Variants in MRTFB observed in about 807,000 individuals in gnomAD.
The protein encoded by MRTFB is myocardin-related transcription factor B.
A neutral mutation model predicts 104.2 loss-of-function variants in MRTFB; 29 were observed. The ratio of observed to expected loss-of-function variants is 0.28; its 90% CI spans 0.21 to 0.38. The LOEUF is 0.38. Among genes scored for constraint, MRTFB ranks in the 10% least tolerant of loss-of-function variants. The pLI is 1.00. For synonymous variants in MRTFB, 535 were observed against 519.5 expected (o/e 1.03, Z -0.41); for missense variants, 1,270 against 1,341.6 (o/e 0.95, Z 0.83).
intron 3 of MRTFB, among the ~76,000 whole-genome samples, chr16:14,164,556 G>A (rs1377798031): frequency 6.6e-6 from 1 of 152,158 alleles, no homozygotes; most frequent in African/African-American, 2.4e-5. Context: ...GATTAGTGCT[G>A]CCTTAAACAT....
chr16:14,099,131 A>C (rs547252319), intron 2 of MRTFB, among the ~76,000 whole-genome samples: 2 of 152,284 alleles, frequency 1.3e-5, no homozygotes, highest in East Asian at 3.9e-4. Context: ...GGGATTTTTG[A>C]CTGAGATATT....
Position 14,177,955 on chromosome 16 carries a change from T to G in MRTFB, c.155-32288T>G, listed in dbSNP as rs1567418139. On this transcript the variant is annotated intron_variant, in intron 3 of 16. Transcript: ENST00000571589. The surrounding 1 kb of genome is among the most constrained non-coding windows in gnomAD (Gnocchi z 4.7). ...GTGTGTGCACGCATTGGTGGGTGTTTAGAGTTAATAATTGATGCCAGTACA... is the reference window on the plus strand; with the variant it reads ...GTGTGTGCACGCATTGGTGGGTGTTGAGAGTTAATAATTGATGCCAGTACA... 2.6e-5 allele frequency among the ~76,000 whole-genome samples: 4 copies of G among 151,098 alleles called. No homozygotes were observed. Among genetic ancestry groups the G allele is most frequent in the Non-Finnish European group, 5.9e-5 (4 of 67,856 alleles).
chr16:14,016,481 C>G, the MRTFB span, among the ~76,000 whole-genome samples: 7 of 152,026 alleles, frequency 4.6e-5, no homozygotes, highest in East Asian at 1.4e-3. Context: ...CCTTAAAGGA[C>G]TCTGACCTAG....
intron 3 of MRTFB, chr16:14,149,259 C>T (rs1316158144): frequency 6.6e-6 from 1 of 152,102 alleles, no homozygotes; most frequent in East Asian, 1.9e-4. Context: ...TAAGAAAATG[C>T]TAATCGTTGG....
chr16:14,116,311 A>G (rs1234362179), intron 2 of MRTFB, among the ~76,000 whole-genome samples: 2 of 151,852 alleles, frequency 1.3e-5, no homozygotes, highest in African/African-American at 4.8e-5. Flanking sequence ...CTTGGATTAG[A>G]TTTCACTTCC....
chr16:14,080,165 C>T (rs2034310624), intron 2 of MRTFB, among the ~76,000 whole-genome samples: 2 of 152,114 alleles, frequency 1.3e-5, no homozygotes, highest in South Asian at 4.1e-4. Flanking sequence ...CATTTCTCTT[C>T]TTAGATGTGT....
At chr16:14,163,677 C>CA (rs1290351399) in intron 3 of MRTFB, among the ~76,000 whole-genome samples, 2 of 151,816 alleles carry the variant, frequency 1.3e-5, no homozygotes, top group South Asian at 2.1e-4. Context: ...ACTAAAAATA[C>CA]AAAAAATTAG....
At chr16:14,103,411 G>T (rs1185663978) in intron 2 of MRTFB, among the ~76,000 whole-genome samples, 1 of 152,138 alleles carries the variant, frequency 6.6e-6, no homozygotes, top group Non-Finnish European at 1.5e-5. Flanking sequence ...GGGGATATGG[G>T]GGAGGGTGTT....
the MRTFB span, among the ~76,000 whole-genome samples, chr16:14,036,920 A>G: frequency 3.3e-5 from 5 of 151,898 alleles, no homozygotes; most frequent in Non-Finnish European, 2.9e-5. Context: ...CTGAGCTCCA[A>G]GAAGTTAATT....
intron 9 of MRTFB, among the ~76,000 whole-genome samples, chr16:14,235,256 G>A (rs957748551): frequency 6.6e-6 from 1 of 152,200 alleles, no homozygotes; most frequent in Non-Finnish European, 1.5e-5. Context: ...CAGCGTGGCC[G>A]AGTATTGGTG....
intron 3 of MRTFB, among the ~76,000 whole-genome samples, chr16:14,160,954 G>T (rs1035207690): frequency 6.6e-6 from 1 of 151,980 alleles, no homozygotes; most frequent in Non-Finnish European, 1.5e-5. Context: ...ATTAGCCCTT[G>T]CTGTAAGAAT....
chr16:14,095,873 A>G (rs77014438), intron 2 of MRTFB, among the ~76,000 whole-genome samples: 3,784 of 152,130 alleles, frequency 0.025, 173 homozygotes, highest in African/African-American at 0.086. Context: ...TACAAACTGT[A>G]CTGAATGCAC....
chr16:14,071,037 A>G (rs1266524126), upstream of MRTFB, among the ~76,000 whole-genome samples: 1 of 152,212 alleles, frequency 6.6e-6, no homozygotes, highest in Non-Finnish European at 1.5e-5. Context: ...AAGCCTTTGC[A>G]GAGGCTCAGG....
intron 8 of MRTFB, among the ~76,000 whole-genome samples, chr16:14,228,881 G>T (rs2042132078): frequency 1.3e-5 from 2 of 152,216 alleles, no homozygotes; most frequent in East Asian, 1.9e-4. Context: ...AATCATAGAG[G>T]CAGAAAAGAA....
Position 14,133,602 on chromosome 16 carries a change from C to T in MRTFB, c.-63-6942C>T, listed in dbSNP as rs538808318. Among the ~76,000 whole-genome samples the T allele has an allele frequency of 3.7e-4, 56 of 152,242 alleles. No homozygotes were observed. In the South Asian group the frequency reaches 0.011, roughly 31 times the overall value. ...TTTCCCTTTCTTTCGTTCATCTCTT[C>T]CCTTTGTCCTCTTCCCTTCTGCTTT... On this transcript the variant is annotated intron_variant, in intron 2 of 16. Transcript: ENST00000571589.
chr16:14,243,877 TGA>T (rs2042894772), intron 10 of MRTFB, among the ~76,000 whole-genome samples: 5 of 147,730 alleles, frequency 3.4e-5, no homozygotes, highest in Non-Finnish European at 5.9e-5. Flanking sequence ...TTTTTTTTTT[TGA>T]GACAGAGTCT....
At chr16:14,148,111 C>A (rs1158578600) in intron 3 of MRTFB, among the ~76,000 whole-genome samples, 1 of 152,118 alleles carries the variant, frequency 6.6e-6, no homozygotes, top group Non-Finnish European at 1.5e-5. Context: ...AAGAAATAGT[C>A]TTTGCTTTTC....
chr16:14,031,318 G>A, the MRTFB span, among the ~76,000 whole-genome samples: 5 of 151,914 alleles, frequency 3.3e-5, no homozygotes, highest in Non-Finnish European at 7.4e-5. Flanking sequence ...TGGAACCTGG[G>A]AGGCGGAGGA....
At chr16:14,112,699 G>C (rs1215049887) in intron 2 of MRTFB, among the ~76,000 whole-genome samples, 5 of 152,338 alleles carry the variant, frequency 3.3e-5, no homozygotes, top group Admixed American at 1.3e-4. Flanking sequence ...GCACTGGCCT[G>C]CTTGGTGTGT....
Sources: gnomAD v4.1 joint callset for allele counts (sites outside exome capture counted in the v4.1 genomes callset) on GRCh38, gnomAD v4.1.1 for gene constraint, Gnocchi (gnomAD v3.1) non-coding constraint, MANE v1.5 for transcripts, NCBI Gene and HGNC (gene_info 2026-07-23, HGNC 2026-07-21) for gene names.